The following CARD8 variants were observed in gnomAD, a reference collection of about 807,000 sequenced individuals.
CARD8 encodes caspase recruitment domain family member 8.
In CARD8, 38 loss-of-function variants were observed where a neutral mutation model predicts 53.2. The observed-to-expected ratio is 0.71, with a 90% CI of 0.55 to 0.94. CARD8 has a LOEUF of 0.94. Ranked by LOEUF, CARD8 falls within the 40% of genes least tolerant of loss-of-function variation. The pLI is 0.00. For missense variants in CARD8, 561 were observed against 655.5 expected, an observed-to-expected ratio of 0.86 and a Z score of 1.57; for synonymous variants, 245 against 244.9, an observed-to-expected ratio of 1.00 and a Z score of 0.00.
chr19:48,209,843 G>C lies in CARD8; in HGVS notation c.*1867C>G, dbSNP rs1349928102. ...AGACATGAGAAGGATATAAAAGTTT[G>C]TTTTCTGTATTCTTTCAAAATTCTT... On this transcript the variant is annotated 3_prime_UTR_variant, in exon 14 of 14. Coordinates refer to ENST00000651546, the MANE Select transcript of CARD8 (RefSeq NM_001184900.3). 1 of 152,246 alleles carries C rather than the reference G, an allele frequency of 6.6e-6. No individual in the cohort carries two copies. The highest frequency in any genetic ancestry group is 1.5e-5 in the Non-Finnish European group (1 of 68,008). The allele number at this position is 152,246 out of a possible 1,614,324, so 9.4% of individuals were successfully genotyped here. A position where few individuals can be genotyped will look rare whatever the true frequency, so the allele number is the denominator to read the frequency against.
At chr19:48,207,741 T>TTTTTTTTTGTTTTTTG (rs2037448355), downstream of CARD8, among the ~76,000 whole-genome samples, 3 of 100,704 alleles carry the variant, frequency 3.0e-5, no homozygotes, top group African/African-American at 1.0e-4. Context: ...TCTGTTTTTT[T>TTTTTTTTTGTTTTTTG]TTTTTTTTTT....
intron 3 of CARD8, among the ~76,000 whole-genome samples, chr19:48,245,640 TAC>T (rs1373299323): frequency 1.3e-5 from 2 of 151,352 alleles, no homozygotes; most frequent in Non-Finnish European, 3.0e-5. Flanking sequence ...ACAAAAAAAC[TAC>T]ATGACCCATA....
chr19:48,232,380 T>G, intron 7 of CARD8, 73 bp downstream of exon 7: 2 of 1,372,898 alleles, frequency 1.5e-6, no homozygotes, highest in Non-Finnish European at 2.0e-6. Flanking sequence ...CTAAATTGTC[T>G]TCTTCACATA....
chr19:48,234,254 A>C (rs761762292), intron 6 of CARD8, 149 bp downstream of exon 6: 136 of 758,234 alleles, frequency 1.8e-4, no homozygotes, highest in Non-Finnish European at 2.6e-4. Flanking sequence ...TTGTTTCAAA[A>C]ATTTCTGGAT....
At chr19:48,230,324 G>T in intron 10 of CARD8, 114 bp downstream of exon 10, 1 of 1,195,744 alleles carries the variant, frequency 8.4e-7, no homozygotes, top group Non-Finnish European at 1.2e-6. Flanking sequence ...TCCTGCTTCT[G>T]TCCATGAAAA....
intron 4 of CARD8, among the ~76,000 whole-genome samples, chr19:48,240,042 C>T (rs73578865): frequency 0.04 from 6,080 of 152,282 alleles, 392 homozygotes; most frequent in African/African-American, 0.13. Flanking sequence ...CATCTCCTAA[C>T]AACATCACAT....
At chr19:48,219,165 C>T (rs1271450920) in intron 11 of CARD8, among the ~76,000 whole-genome samples, 153 bp from the exon 12 acceptor site, 1 of 152,174 alleles carries the variant, frequency 6.6e-6, no homozygotes, top group Admixed American at 6.5e-5. Flanking sequence ...CAGCTCTTTA[C>T]ATTTACAATG....
At chr19:48,234,336 T>G in intron 6 of CARD8, 67 bp downstream of exon 6, 1 of 1,488,962 alleles carries the variant, frequency 6.7e-7, no homozygotes, top group Non-Finnish European at 9.1e-7. Flanking sequence ...TTCCTCTAAT[T>G]CTCATGTTCC....
At position 48,211,862 on chromosome 19, in the gene CARD8, G is replaced by A. The variant is rs766186900; in HGVS notation, c.1462C>T (p.Leu488=). The change falls in exon 14 of 14, where the codon CTG becomes TTG. Residue 488 remains leucine (L), a synonymous_variant. Transcript: ENST00000651546. ...NEVLTENEKE[L]VEQEKTRQSK... Reference sequence around the variant, plus strand: ...TGCCGTGTCTTTTCCTGCTCCACCAGCTCCTTCTCATTCTCAGTAAGAACC... The same window carrying A: ...TGCCGTGTCTTTTCCTGCTCCACCAACTCCTTCTCATTCTCAGTAAGAACC... 19 of 1,613,990 alleles carry A rather than the reference G, an allele frequency of 1.2e-5. No homozygotes were observed. The highest frequency in any genetic ancestry group is 1.7e-5 in the Admixed American group (1 of 59,980).
rs182145723 is a variant in CARD8 at position 48,232,307 on chromosome 19, T to C, written c.391+146A>G. 8.1e-6 allele frequency: 6 copies of C among 738,302 alleles called. No homozygotes were observed. In the Admixed American group the frequency reaches 1.1e-4, roughly 14 times the overall value. The allele number at this position is 738,302 out of a possible 1,614,324, so 45.7% of individuals were successfully genotyped here. A position where few individuals can be genotyped will look rare whatever the true frequency, so the allele number is the denominator to read the frequency against. On this transcript the variant is annotated intron_variant, in intron 7 of 13. Transcript: ENST00000651546. Reference sequence around the variant, plus strand: ...CAGTGACAGGCTTACATGTCCCCATTTAAACTGCACAGTGCACTGTGGCAA... The same window carrying C: ...CAGTGACAGGCTTACATGTCCCCATCTAAACTGCACAGTGCACTGTGGCAA...
At chr19:48,234,279 G>T in intron 6 of CARD8, 124 bp downstream of exon 6, 1 of 959,402 alleles carries the variant, frequency 1.0e-6, no homozygotes, top group South Asian at 1.8e-5. Flanking sequence ...TGCTAGTATT[G>T]CATAAGCTCA....
At position 48,231,802 on chromosome 19, in the gene CARD8, A is replaced by C; in HGVS notation, c.400T>G (p.Cys134Gly). ...GAAACTATTTGATTCTCTTCTGAGCAAATGTCTCCTGAAAAGAAAATACTA... is the reference window on the plus strand; with the variant it reads ...GAAACTATTTGATTCTCTTCTGAGCCAATGTCTCCTGAAAAGAAAATACTA... The part of the protein sequence containing the change: ...SSEGQDSGDI[C>G]SEENQIVSSY... The change falls in exon 8 of 14, where the codon TGC becomes GGC. Residue 134 changes from cysteine to glycine, a missense_variant. By Grantham distance (159) the Cys-to-Gly change is radical (BLOSUM62 -3). Coordinates refer to ENST00000651546, the MANE Select transcript of CARD8 (RefSeq NM_001184900.3). The C allele has an allele frequency of 6.2e-7, 1 of 1,613,978 alleles. No homozygotes were observed. Among genetic ancestry groups the C allele is most frequent in the Non-Finnish European group, 8.5e-7 (1 of 1,179,930 alleles).
At chr19:48,221,662 T>C in intron 11 of CARD8, 68 bp downstream of exon 11, 2 of 1,196,552 alleles carry the variant, frequency 1.7e-6, no homozygotes, top group Non-Finnish European at 2.3e-6. Context: ...TTTGCTAAGA[T>C]TCTTCCATTT....
At chr19:48,229,015 C>T (rs1055336160) in intron 10 of CARD8, among the ~76,000 whole-genome samples, 13 of 151,896 alleles carry the variant, frequency 8.6e-5, no homozygotes, top group East Asian at 1.9e-4. Flanking sequence ...GGCACACATC[C>T]GTAATCCCAG....
At chr19:48,219,669 G>A (rs1187683739) in intron 11 of CARD8, among the ~76,000 whole-genome samples, 3 of 152,200 alleles carry the variant, frequency 2.0e-5, no homozygotes, top group Middle Eastern at 3.4e-3. Flanking sequence ...AGTTTACCTC[G>A]CTCAAGATCA....
chr19:48,223,309 A>C (rs995456252), intron 10 of CARD8, among the ~76,000 whole-genome samples: 2 of 152,088 alleles, frequency 1.3e-5, no homozygotes, highest in African/African-American at 4.8e-5. Context: ...GTCTCAAAAA[A>C]AAAAAAAGAA....
intron 11 of CARD8, among the ~76,000 whole-genome samples, chr19:48,220,025 A>C (rs1340220811): frequency 6.6e-6 from 1 of 152,088 alleles, no homozygotes; most frequent in Non-Finnish European, 1.5e-5. Flanking sequence ...CACATTTACT[A>C]TGTTGTATCA....
At chr19:48,238,175 G>T in intron 5 of CARD8, 1 of 849,002 alleles carries the variant, frequency 1.2e-6, no homozygotes, top group Non-Finnish European at 1.7e-6. Context: ...ACAGGTGTGA[G>T]CCACTGGGCT....
chr19:48,252,436 A>G (rs987946381), intron 1 of CARD8, among the ~76,000 whole-genome samples: 1 of 151,650 alleles, frequency 6.6e-6, no homozygotes, highest in African/African-American at 2.4e-5. Flanking sequence ...GCATATTTAA[A>G]TAAAATACAT....
Sources: allele counts gnomAD v4.1 joint callset (sites outside exome capture counted in the v4.1 genomes callset), GRCh38; gene constraint gnomAD v4.1.1; transcripts MANE v1.5; gene names NCBI Gene and HGNC (gene_info 2026-07-23, HGNC 2026-07-21).